The following FAM118B variants were observed in gnomAD, a reference collection of about 807,000 sequenced individuals.
FAM118B encodes protein FAM118B.
A neutral mutation model predicts 38.5 loss-of-function variants in FAM118B; 24 were observed. That is an observed-to-expected ratio of 0.62 (90% CI 0.45 to 0.88). FAM118B has a LOEUF of 0.88. Among genes scored for constraint, FAM118B ranks in the 40% least tolerant of loss-of-function variants. The pLI, the probability that FAM118B is intolerant of heterozygous loss-of-function variation, is 0.00. For missense variants in FAM118B, 334 were observed against 420.0 expected, an observed-to-expected ratio of 0.80 and a Z score of 1.79; for synonymous variants, 138 against 156.3, an observed-to-expected ratio of 0.88 and a Z score of 0.87.
chr11:126,230,130 T>G (rs1012100048), intron 2 of FAM118B, among the ~76,000 whole-genome samples: 1 of 152,216 alleles, frequency 6.6e-6, no homozygotes. Flanking sequence ...CAGCTAGACA[T>G]GATTCCTGTC....
At chr11:126,230,772 C>T (rs1043070322) in intron 2 of FAM118B, among the ~76,000 whole-genome samples, 6 of 152,168 alleles carry the variant, frequency 3.9e-5, no homozygotes, top group African/African-American at 7.2e-5. Context: ...ATGAAGAAGG[C>T]GGGCTGGGAG....
chr11:126,248,628 C>T (rs1315779328), intron 4 of FAM118B, among the ~76,000 whole-genome samples: 1 of 152,056 alleles, frequency 6.6e-6, no homozygotes, highest in Non-Finnish European at 1.5e-5. Context: ...CCTTGGCCTC[C>T]CAAAGTGCTG....
intron 2 of FAM118B, among the ~76,000 whole-genome samples, chr11:126,232,705 TAAA>T (rs1950223730): frequency 6.6e-6 from 1 of 151,546 alleles, no homozygotes; most frequent in African/African-American, 2.4e-5. Context: ...TTTTAAAACT[TAAA>T]AAATATTTTT....
chr11:126,260,534 G>A (rs750492604), intron 7 of FAM118B: 2 of 151,816 alleles, frequency 1.3e-5, no homozygotes, highest in Non-Finnish European at 2.9e-5. Flanking sequence ...ATTCCTGTTA[G>A]GCAACGTCTG....
chr11:126,241,231 G>T, intron 4 of FAM118B, 187 bp downstream of exon 4: 1 of 536,146 alleles, frequency 1.9e-6, no homozygotes, highest in South Asian at 4.0e-5. Flanking sequence ...CAGGACAGTT[G>T]TCTTAACCCC....
At chr11:126,212,773 A>C (rs1293226826) in intron 1 of FAM118B, among the ~76,000 whole-genome samples, 1 of 152,224 alleles carries the variant, frequency 6.6e-6, no homozygotes, top group Non-Finnish European at 1.5e-5. Flanking sequence ...TACCAACAAG[A>C]AACAAAGTTG....
At position 126,256,618 on chromosome 11, in the gene FAM118B, G is replaced by A; in HGVS notation, c.748G>A (p.Gly250Ser). Reference protein sequence around the residue: ...ENKSFLFLGCGWTVDDTTFQA... With the variant: ...ENKSFLFLGCSWTVDDTTFQA... ...CAAGTCATTTCTTTTCCTGGGCTGT[G>A]GCTGGACTGTGGATGACACCACTTT... Residue 250 changes from glycine to serine, a missense_variant, in exon 7 of 9, where the codon GGC (glycine) becomes AGC (serine). Physicochemically the swap from Gly to Ser is moderately conservative, Grantham distance 56. Coordinates refer to ENST00000533050, the MANE Select transcript of FAM118B (RefSeq NM_024556.4). This position sits in a 1 kb window ranked among gnomAD's most constrained non-coding sequence, Gnocchi z 6.6. The A allele has an allele frequency of 6.2e-7, 1 of 1,614,158 alleles. No individual in the cohort carries two copies. The highest frequency in any genetic ancestry group is 8.5e-7 in the Non-Finnish European group (1 of 1,180,010).
intron 4 of FAM118B, among the ~76,000 whole-genome samples, chr11:126,246,397 A>G (rs1950419806): frequency 6.6e-6 from 1 of 152,206 alleles, no homozygotes; most frequent in South Asian, 2.1e-4. Context: ...TTTTGGAATC[A>G]GACTCTGCCA....
chr11:126,228,983 T>C (rs1055173995), intron 1 of FAM118B, among the ~76,000 whole-genome samples: 1 of 152,244 alleles, frequency 6.6e-6, no homozygotes, highest in Admixed American at 6.5e-5. Context: ...AAAAGTAAGC[T>C]ACTGAGGGTT....
At chr11:126,212,222 G>A (rs968028838) in intron 1 of FAM118B, among the ~76,000 whole-genome samples, 2 of 152,114 alleles carry the variant, frequency 1.3e-5, no homozygotes, top group African/African-American at 4.8e-5. Context: ...AAGGATGACG[G>A]CCCCTTCCCT....
intron 7 of FAM118B, among the ~76,000 whole-genome samples, chr11:126,258,615 TG>T (rs1461787896): frequency 1.3e-5 from 2 of 152,184 alleles, no homozygotes; most frequent in Non-Finnish European, 2.9e-5. Context: ...TTGTTGGAAA[TG>T]AGTTTTTCTG....
intron 1 of FAM118B, among the ~76,000 whole-genome samples, chr11:126,218,056 G>A (rs1200277466): frequency 6.6e-6 from 1 of 152,172 alleles, no homozygotes; most frequent in Non-Finnish European, 1.5e-5. Context: ...CTCACAGACG[G>A]TTTTGATTCT....
chr11:126,227,181 G>C (rs1193432389), intron 1 of FAM118B, among the ~76,000 whole-genome samples: 1 of 149,014 alleles, frequency 6.7e-6, no homozygotes, highest in Non-Finnish European at 1.5e-5. Flanking sequence ...TCCTGCCTCA[G>C]CCTCTCGAAT....
Position 126,240,921 on chromosome 11 carries a change from A to T in FAM118B, c.216A>T (p.Leu72Phe). 6.2e-7 allele frequency: 1 copy of T among 1,614,216 alleles called. No individual in the cohort carries two copies. Among genetic ancestry groups the T allele is most frequent in the South Asian group, 1.1e-5 (1 of 91,086 alleles). Residue 72 changes from leucine to phenylalanine, a missense_variant, in exon 4 of 9, where the codon TTA becomes TTT. Transcript: ENST00000533050. ...CCTGGAAGGGGTTAATTCAGGCCTT[A>T]CTGGATGCTGCCATTGATTTTGATC... ...LKSWKGLIQA[L>F]LDAAIDFDLL...
In FAM118B at chr11:126,251,999, G is replaced by A. The variant is rs535621190; in HGVS notation, c.567+1266G>A. 2.6e-5 allele frequency among the ~76,000 whole-genome samples: 4 copies of A among 151,430 alleles called. No individual in the cohort carries two copies. In the South Asian group the frequency reaches 6.3e-4, roughly 24 times the overall value. ...GTTTTGTTTTGTTTTGTTTTGTTTT[G>A]TTTTGAGATGGAGTTTTGCTCTTGT... On this transcript the variant is annotated intron_variant, in intron 5 of 8. Transcript: ENST00000533050.
chr11:126,219,552 A>G (rs1950035509), intron 1 of FAM118B, among the ~76,000 whole-genome samples: 2 of 151,690 alleles, frequency 1.3e-5, no homozygotes, highest in Non-Finnish European at 2.9e-5. Flanking sequence ...TTGTAGAGAC[A>G]GGGTCTCCCT....
At chr11:126,225,456 T>C (rs1029558532) in intron 1 of FAM118B, among the ~76,000 whole-genome samples, 1 of 152,234 alleles carries the variant, frequency 6.6e-6, no homozygotes, top group Non-Finnish European at 1.5e-5. Context: ...ACATGCACAA[T>C]AATTTTTATA....
Position 126,252,144 on chromosome 11 carries a change from G to C in FAM118B, c.567+1411G>C, listed in dbSNP as rs543616207. 1.3e-5 allele frequency among the ~76,000 whole-genome samples: 2 copies of C among 151,612 alleles called. No homozygotes were observed. The highest frequency in any genetic ancestry group is 4.2e-4 in the South Asian group (2 of 4,812). The stretch of plus-strand genomic sequence containing the variant: ...TGGGATTACAGGCACCCGCCATCAC[G>C]TCTGGCTAATTTTTGTATTTTCAGT... On this transcript the variant is annotated intron_variant, in intron 5 of 8. Coordinates refer to ENST00000533050, the MANE Select transcript of FAM118B (RefSeq NM_024556.4). The surrounding 1 kb of genome is among the most constrained non-coding windows in gnomAD (Gnocchi z 4.7).
Position 126,250,567 on chromosome 11 carries a change from T to G in FAM118B, c.401T>G (p.Leu134Trp), listed in dbSNP as rs1188953119. 3 of 1,614,138 alleles carry G rather than the reference T, an allele frequency of 1.9e-6. No individual in the cohort carries two copies. The Admixed American group carries it at 5.0e-5, about 27-fold the overall frequency. The change falls in exon 5 of 9, where the codon TTG (leucine) becomes TGG (tryptophan). Residue 134 changes from leucine (L) to tryptophan (W), a missense_variant. By Grantham distance (61) the Leu-to-Trp change is moderately conservative (BLOSUM62 -2). Transcript: ENST00000533050. This position sits in a 1 kb window ranked among gnomAD's most constrained non-coding sequence, Gnocchi z 5.1. ...KDCLYEVFDDLESKMEDSGKQ... is the reference protein window; with the variant it reads ...KDCLYEVFDDWESKMEDSGKQ... ...TGTTTATATGAAGTATTTGATGACT[T>G]GGAGTCAAAGATGGAAGATTCTGGA... is the stretch of plus-strand genomic sequence containing the variant.
Sources: allele counts gnomAD v4.1 joint callset (sites outside exome capture counted in the v4.1 genomes callset), GRCh38; gene constraint gnomAD v4.1.1; non-coding constraint Gnocchi (gnomAD v3.1); transcripts MANE v1.5; gene names NCBI Gene and HGNC (gene_info 2026-07-23, HGNC 2026-07-21).